NEXN: variants seen among roughly 807,000 people sequenced by gnomAD.
NEXN encodes nexilin F-actin binding protein, also known as nexilin.
Under a neutral mutation model 92.6 loss-of-function variants are expected in NEXN, and 65 were observed. That is an observed-to-expected ratio of 0.70 (90% CI 0.57 to 0.86). The LOEUF (loss-of-function observed/expected upper bound fraction) is 0.86. Ranked by LOEUF, NEXN falls within the 40% of genes least tolerant of loss-of-function variation. The pLI is 0.00. For synonymous variants in NEXN, 254 were observed against 242.5 expected, an observed-to-expected ratio of 1.05 and a Z score of -0.44; for missense variants, 778 against 771.1, an observed-to-expected ratio of 1.01 and a Z score of -0.11.
chr1:77,917,561 T>A lies in NEXN; in HGVS notation c.28-5T>A. 1 of 1,606,510 alleles carries A rather than the reference T, an allele frequency of 6.2e-7. No individual in the cohort carries two copies. The highest frequency in any genetic ancestry group is 1.3e-5 in the African/African-American group (1 of 74,898). Reference sequence around the variant, plus strand: ...CTTTCTTTTTTTTATTTTCTTCTAATGAAGATTCTGCTTTCTTCATCTAAA... The same window carrying A: ...CTTTCTTTTTTTTATTTTCTTCTAAAGAAGATTCTGCTTTCTTCATCTAAA... On this transcript the variant is annotated splice_polypyrimidine_tract_variant and splice_region_variant and intron_variant, in intron 2 of 12. Transcript: ENST00000334785.
At chr1:77,895,634 C>T (rs889026187) in intron 1 of NEXN, among the ~76,000 whole-genome samples, 4 of 151,826 alleles carry the variant, frequency 2.6e-5, no homozygotes, top group Middle Eastern at 3.4e-3. Flanking sequence ...GGGTGCAAGG[C>T]AGGCGGATCT....
chr1:77,933,560 A>G, intron 10 of NEXN, 81 bp downstream of exon 10: 2 of 1,038,830 alleles, frequency 1.9e-6, no homozygotes, highest in Non-Finnish European at 2.9e-6. Flanking sequence ...ATAACTTTGT[A>G]TTATTATTCA....
rs147422621 is a variant in NEXN at position 77,942,226 on chromosome 1, C to G, written c.1659+18C>G. 3.5e-3 allele frequency: 5,685 copies of G among 1,609,680 alleles called. 14 individuals carry two copies. The highest frequency in any genetic ancestry group is 7.1e-3 in the South Asian group (642 of 90,932). On this transcript the variant is annotated intron_variant, in intron 12 of 12. Coordinates refer to ENST00000334785, the MANE Select transcript of NEXN (RefSeq NM_144573.4). Reference sequence around the variant, plus strand: ...TACAAAAGGTACCAGGCTTATGTATCCTTTATTTTCCAAAGATGCCCTCTT... The same window carrying G: ...TACAAAAGGTACCAGGCTTATGTATGCTTTATTTTCCAAAGATGCCCTCTT...
chr1:77,935,062 G>A (rs1650635832), intron 10 of NEXN, among the ~76,000 whole-genome samples: 1 of 152,188 alleles, frequency 6.6e-6, no homozygotes, highest in African/African-American at 2.4e-5. Flanking sequence ...TCCTAGTCCA[G>A]TGTTCTTTTT....
At chr1:77,901,399 T>A (rs1647697412) in intron 1 of NEXN, among the ~76,000 whole-genome samples, 1 of 152,238 alleles carries the variant, frequency 6.6e-6, no homozygotes, top group African/African-American at 2.4e-5. Context: ...AATGACTTTA[T>A]AAGTACATAT....
intron 1 of NEXN, among the ~76,000 whole-genome samples, chr1:77,908,940 T>C (rs1648355969): frequency 6.6e-6 from 1 of 152,098 alleles, no homozygotes; most frequent in African/African-American, 2.4e-5. Context: ...AAATGTGAGG[T>C]GATTGAAGGT....
At chr1:77,919,543 T>A (rs1010117849) in intron 5 of NEXN, among the ~76,000 whole-genome samples, 2 of 151,872 alleles carry the variant, frequency 1.3e-5, no homozygotes, top group Non-Finnish European at 2.9e-5. Flanking sequence ...ACAAAGGGGT[T>A]ACATGGCCCA....
chr1:77,919,930 C>T (rs61778870), intron 5 of NEXN, among the ~76,000 whole-genome samples: 21,226 of 148,842 alleles, frequency 0.14, 1,596 homozygotes, highest in South Asian at 0.28. Context: ...GACGGAGTCT[C>T]GCTCTGTCAC....
intron 8 of NEXN, among the ~76,000 whole-genome samples, chr1:77,927,583 T>C (rs1649954889): frequency 6.6e-6 from 1 of 151,080 alleles, no homozygotes; most frequent in Non-Finnish European, 1.5e-5. Context: ...TTTGTGTGCA[T>C]GCCTCTGTGT....
At chr1:77,930,551 C>T (rs1650205936) in intron 9 of NEXN, among the ~76,000 whole-genome samples, 1 of 152,150 alleles carries the variant, frequency 6.6e-6, no homozygotes, top group Non-Finnish European at 1.5e-5. Context: ...TAATATTTCC[C>T]CACTTTTCTT....
In NEXN at chr1:77,918,039, G is replaced by C. The variant is rs780476936; in HGVS notation, c.298+1G>C. 3 of 1,613,084 alleles carry C rather than the reference G, an allele frequency of 1.9e-6. No individual in the cohort carries two copies. The highest frequency in any genetic ancestry group is 1.7e-6 in the Non-Finnish European group (2 of 1,179,280). On this transcript the variant is annotated splice_donor_variant, in intron 4 of 12. Transcript: ENST00000334785. LOFTEE classifies it high-confidence loss of function. Reference sequence around the variant, plus strand: ...AAGGCTTATGTTCCAAAATTAACAGGTAAGAAGCTTGAGGGGTAAATAGTA... The same window carrying C: ...AAGGCTTATGTTCCAAAATTAACAGCTAAGAAGCTTGAGGGGTAAATAGTA...
chr1:77,915,841 A>G (rs1648932147), intron 1 of NEXN, among the ~76,000 whole-genome samples: 1 of 152,158 alleles, frequency 6.6e-6, no homozygotes. Context: ...GCTATTCTGG[A>G]TCAAAAACTT....
chr1:77,926,699 T>C lies in NEXN; in HGVS notation c.688-17T>C. 1 of 1,613,906 alleles carries C rather than the reference T, an allele frequency of 6.2e-7. No homozygotes were observed. Among genetic ancestry groups the C allele is most frequent in the Non-Finnish European group, 8.5e-7 (1 of 1,179,958 alleles). On this transcript the variant is annotated splice_polypyrimidine_tract_variant and intron_variant, in intron 7 of 12. Coordinates refer to ENST00000334785, the MANE Select transcript of NEXN (RefSeq NM_144573.4). The stretch of plus-strand genomic sequence containing the variant: ...TCCTTTATGACTAAAAGGTGGGTTT[T>C]CATAACGTTTTCTTAGGATGATGAA...
Position 77,917,739 on chromosome 1 carries a change from G to C in NEXN, c.201G>C (p.Trp67Cys). The C allele has an allele frequency of 6.2e-7, 1 of 1,606,890 alleles. No individual in the cohort carries two copies. Among genetic ancestry groups the C allele is most frequent in the Non-Finnish European group, 8.5e-7 (1 of 1,174,196 alleles). The change falls in exon 3 of 13, where the codon TGG becomes TGC. Residue 67 changes from tryptophan (W) to cysteine (C), a missense_variant. Around this residue, in one of 3 missense-constraint regions of NEXN, gnomAD observed 236 missense variants for 265.6 expected, o/e 0.89. Coordinates refer to ENST00000334785, the MANE Select transcript of NEXN (RefSeq NM_144573.4). ...RKEQYIRERE[W>C]NRRKQEIKEM... Reference sequence around the variant, plus strand: ...AACAATATATTAGAGAGAGAGAATGGAACAGGAGAAAGCAGGAGGTTATTT... The same window carrying C: ...AACAATATATTAGAGAGAGAGAATGCAACAGGAGAAAGCAGGAGGTTATTT...
chr1:77,925,141 AG>A, intron 5 of NEXN, 46 bp from the exon 6 acceptor site: 2 of 1,305,342 alleles, frequency 1.5e-6, no homozygotes, highest in Non-Finnish European at 2.2e-6. Flanking sequence ...AAAAGCAAAA[AG>A]TAGAAATCTG....
Position 77,929,302 on chromosome 1 carries a change from GT to G in NEXN, c.865-11del. The G allele has an allele frequency of 6.5e-7, 1 of 1,540,804 alleles. No homozygotes were observed. Among genetic ancestry groups the G allele is most frequent in the Non-Finnish European group, 9.0e-7 (1 of 1,114,174 alleles). On this transcript the variant is annotated splice_polypyrimidine_tract_variant and intron_variant, in intron 8 of 12. Coordinates refer to ENST00000334785, the MANE Select transcript of NEXN (RefSeq NM_144573.4). ...GAACCTCAATTCTTAGTAATGAATT[GT>G]TTATTTGGTTAGGTAAATGAAGATG...
intron 1 of NEXN, among the ~76,000 whole-genome samples, chr1:77,897,401 A>C (rs1647320319): frequency 6.6e-6 from 1 of 152,240 alleles, no homozygotes; most frequent in South Asian, 2.1e-4. Context: ...AGAACCAAAG[A>C]CAAAAACCAC....
intron 11 of NEXN, among the ~76,000 whole-genome samples, chr1:77,941,367 C>CA (rs1317604190): frequency 6.6e-6 from 1 of 152,144 alleles, no homozygotes; most frequent in Non-Finnish European, 1.5e-5. Context: ...CCTAGACACA[C>CA]TATTTGACAG....
At chr1:77,927,032 A>G in intron 8 of NEXN, 140 bp downstream of exon 8, 1 of 1,192,682 alleles carries the variant, frequency 8.4e-7, no homozygotes, top group South Asian at 1.4e-5. Flanking sequence ...CATATATAAA[A>G]TACATCTAGG....
Sources: gnomAD v4.1 joint callset for allele counts (sites outside exome capture counted in the v4.1 genomes callset) on GRCh38, gnomAD v4.1.1 for gene constraint, gnomAD v4.1.1 regional missense constraint, MANE v1.5 for transcripts, NCBI Gene and HGNC (gene_info 2026-07-23, HGNC 2026-07-21) for gene names.